The following PLCH1 variants were observed in gnomAD, a reference collection of about 807,000 sequenced individuals.
PLCH1 encodes phospholipase C eta 1.
PLCH1 carries 60 observed loss-of-function variants against 126.7 expected under a neutral mutation model. That is an observed-to-expected ratio of 0.47 (90% CI 0.38 to 0.59). PLCH1 has a LOEUF of 0.59. Ranked by LOEUF, PLCH1 falls within the 20% of genes least tolerant of loss-of-function variation. The pLI is 0.00. For synonymous variants in PLCH1, 719 were observed against 734.9 expected (o/e 0.98, Z 0.35); for missense variants, 1,723 against 2,040.0 (o/e 0.84, Z 2.99).
At chr3:155,469,347 C>T (rs1031370765) in intron 21 of PLCH1, among the ~76,000 whole-genome samples, 14 of 152,282 alleles carry the variant, frequency 9.2e-5, no homozygotes, top group Non-Finnish European at 1.8e-4. Context: ...CACTCCCACC[C>T]GAATACTGCG....
rs10212592 is a variant in PLCH1, at chr3:155,629,693, G to A, written c.80-33315C>T. On this transcript the variant is annotated intron_variant, in intron 2 of 22. Transcript: ENST00000460012. ...ACAGCCAATATGGTATTTTTAAATG[G>A]TCAAGTAGACGTCTCAAATACTCCA... Among the ~76,000 whole-genome samples, 5 of 151,550 alleles carry A rather than the reference G, an allele frequency of 3.3e-5. 1 individual carries two copies. The highest frequency in any genetic ancestry group is 2.6e-4 in the Admixed American group (4 of 15,232).
rs1320061982 is a variant in PLCH1, at chr3:155,488,566, A to G, written c.2539+94T>C. On this transcript the variant is annotated intron_variant, in intron 20 of 22. Coordinates refer to ENST00000460012, the MANE Select transcript of PLCH1 (RefSeq NM_014996.4). ...TTTATTACATGACACATATTTTATCACGTATGCTATTATGTAAGTAACATA... is the reference window on the plus strand; with the variant it reads ...TTTATTACATGACACATATTTTATCGCGTATGCTATTATGTAAGTAACATA... The G allele has an allele frequency of 1.4e-5, 15 of 1,043,358 alleles. No individual in the cohort carries two copies. In the East Asian group the frequency reaches 3.5e-4, roughly 24 times the overall value. The allele number at this position is 1,043,358 out of a possible 1,614,324, so 64.6% of individuals were successfully genotyped here. A position where few individuals can be genotyped will look rare whatever the true frequency, so the allele number is the denominator to read the frequency against.
chr3:155,702,208 C>A (rs919993381), intron 2 of PLCH1, among the ~76,000 whole-genome samples: 5 of 152,182 alleles, frequency 3.3e-5, no homozygotes, highest in Non-Finnish European at 1.5e-5. Context: ...ATCATTGAGA[C>A]CAGCATGCTC....
At chr3:155,566,516 C>A (rs1728564196) in intron 7 of PLCH1, among the ~76,000 whole-genome samples, 1 of 151,370 alleles carries the variant, frequency 6.6e-6, no homozygotes, top group African/African-American at 2.4e-5. Context: ...CCAAGAGGTA[C>A]CCTGAACAAC....
intron 8 of PLCH1, among the ~76,000 whole-genome samples, chr3:155,557,966 A>T (rs1016819101): frequency 6.6e-6 from 1 of 152,180 alleles, no homozygotes; most frequent in Non-Finnish European, 1.5e-5. Context: ...TTATTAAGCA[A>T]CTCAGGCTGA....
At chr3:155,548,445 A>C (rs1725679192) in intron 10 of PLCH1, among the ~76,000 whole-genome samples, 1 of 152,210 alleles carries the variant, frequency 6.6e-6, no homozygotes, top group African/African-American at 2.4e-5. Context: ...TGATGCCATA[A>C]GCCCTGGGAT....
chr3:155,556,135 T>A (rs1726786215), intron 8 of PLCH1, among the ~76,000 whole-genome samples: 1 of 152,186 alleles, frequency 6.6e-6, no homozygotes, highest in Admixed American at 6.6e-5. Context: ...TGATTGAAAG[T>A]CTGCCTTTAG....
chr3:155,575,050 G>C (rs1729739877), intron 6 of PLCH1, among the ~76,000 whole-genome samples: 1 of 151,938 alleles, frequency 6.6e-6, no homozygotes, highest in Admixed American at 6.6e-5. Flanking sequence ...AGAATCGCTT[G>C]AACCCAGCAG....
In PLCH1 at chr3:155,494,505, T is replaced by C. The variant is rs763688424; in HGVS notation, c.1907A>G (p.Asn636Ser). The C allele has an allele frequency of 6.2e-6, 10 of 1,603,274 alleles. No individual in the cohort carries two copies. The highest frequency in any genetic ancestry group is 8.5e-6 in the Non-Finnish European group (10 of 1,177,054). The change falls in exon 16 of 23, where the codon AAT becomes AGT. Residue 636 changes from asparagine to serine, a missense_variant. Physicochemically the swap from Asn to Ser is conservative, Grantham distance 46 (BLOSUM62 1). Around this residue, in one of 2 missense-constraint regions of PLCH1, gnomAD observed 776 missense variants for 1,062.9 expected, o/e 0.73. Transcript: ENST00000460012. ...TCTTGTTTCACTGAATGATAACACA[T>C]TTCCTGTGGTTCCTGGCAGTTTTTA... ...QDIVDDGTTGNVLSFSETRAH... is the reference protein window; with the variant it reads ...QDIVDDGTTGSVLSFSETRAH...
chr3:155,501,786 A>T (rs1717942615), intron 13 of PLCH1, among the ~76,000 whole-genome samples: 1 of 151,998 alleles, frequency 6.6e-6, no homozygotes, highest in Admixed American at 6.6e-5. Flanking sequence ...CAAGAGCAAA[A>T]CTCCATCTCT....
chr3:155,568,706 A>G (rs1170361902), intron 6 of PLCH1, among the ~76,000 whole-genome samples: 1 of 151,942 alleles, frequency 6.6e-6, no homozygotes, highest in Non-Finnish European at 1.5e-5. Flanking sequence ...ATATGTAGAA[A>G]AAGAATGATT....
chr3:155,537,410 T>G (rs1249317718), intron 10 of PLCH1, among the ~76,000 whole-genome samples: 1 of 151,852 alleles, frequency 6.6e-6, no homozygotes, highest in East Asian at 1.9e-4. Flanking sequence ...AAACAAATTT[T>G]GAATGTAGAT....
At chr3:155,517,122 C>T (rs1222264490) in intron 11 of PLCH1, among the ~76,000 whole-genome samples, 2 of 152,090 alleles carry the variant, frequency 1.3e-5, no homozygotes, top group African/African-American at 4.8e-5. Context: ...GCCTGGGCAA[C>T]ATAATGAGAC....
At chr3:155,557,670 A>T (rs1287739194) in intron 8 of PLCH1, among the ~76,000 whole-genome samples, 1 of 152,164 alleles carries the variant, frequency 6.6e-6, no homozygotes, top group Non-Finnish European at 1.5e-5. Flanking sequence ...GAATGTTGGC[A>T]AGGTAGAAAT....
chr3:155,452,582 A>G (rs2107965374), intron 21 of PLCH1, among the ~76,000 whole-genome samples: 1 of 152,224 alleles, frequency 6.6e-6, no homozygotes, highest in East Asian at 1.9e-4. Context: ...TCAAGTGGAG[A>G]TATTTAGGGT....
intron 2 of PLCH1, among the ~76,000 whole-genome samples, chr3:155,639,962 T>G (rs922616682): frequency 6.6e-6 from 1 of 152,238 alleles, no homozygotes. Flanking sequence ...ACATGCTTCC[T>G]TCTTCTTTGC....
intron 2 of PLCH1, among the ~76,000 whole-genome samples, chr3:155,703,571 C>T (rs1293789615): frequency 6.6e-6 from 1 of 152,224 alleles, no homozygotes; most frequent in Non-Finnish European, 1.5e-5. Context: ...TGATTCACAG[C>T]TGCAGTCCTC....
At chr3:155,498,153 GTGAC>G (rs1224591294) in intron 14 of PLCH1, among the ~76,000 whole-genome samples, 4 of 152,156 alleles carry the variant, frequency 2.6e-5, no homozygotes, top group Non-Finnish European at 1.5e-5. Context: ...ATCTTCTTAT[GTGAC>G]TGACTGTGGA....
At chr3:155,471,281 T>A (rs1287293866) in intron 21 of PLCH1, among the ~76,000 whole-genome samples, 1 of 152,130 alleles carries the variant, frequency 6.6e-6, no homozygotes, top group Non-Finnish European at 1.5e-5. Context: ...GCAATCCTAG[T>A]CTCTGATAAA....
Sources: gnomAD v4.1 joint callset for allele counts (sites outside exome capture counted in the v4.1 genomes callset) on GRCh38, gnomAD v4.1.1 for gene constraint, gnomAD v4.1.1 regional missense constraint, MANE v1.5 for transcripts, NCBI Gene and HGNC (gene_info 2026-07-23, HGNC 2026-07-21) for gene names.